HP: variants seen among roughly 807,000 people sequenced by gnomAD.
HP encodes the protein haptoglobin.
Under a neutral mutation model 23.2 loss-of-function variants are expected in HP, and 9 were observed. The observed-to-expected ratio is 0.39, with a 90% CI of 0.23 to 0.68. The LOEUF (loss-of-function observed/expected upper bound fraction) is 0.68, where lower values mean the gene tolerates loss of function less well. HP is among the 30% of genes least tolerant of loss of function. The pLI is 0.47. For synonymous variants in HP, 155 were observed against 183.3 expected (o/e 0.85, Z 1.25); for missense variants, 433 against 483.6 (o/e 0.90, Z 0.98).
chr16:72,060,216 C>T lies in HP; in HGVS notation c.547C>T (p.His183Tyr), dbSNP rs767197527. ...CTGGCAGGCTAAGATGGTTTCCCAC[C>T]ATAATCTCACCACAGGTGCCACGCT... The part of the protein sequence containing the change: ...FPWQAKMVSH[H>Y]NLTTGATLIN... The change falls in exon 7 of 7, where the codon CAT (histidine) becomes TAT (tyrosine). Residue 183 changes from histidine to tyrosine, a missense_variant. Physicochemically the swap from His to Tyr is moderately conservative, Grantham distance 83. Transcript: ENST00000355906. The T allele has an allele frequency of 2.5e-6, 4 of 1,614,156 alleles. No homozygotes were observed. In the South Asian group the frequency reaches 4.4e-5, roughly 18 times the overall value.
At position 72,060,640 on chromosome 16, in the gene HP, C is replaced by G. The variant is rs201546776; in HGVS notation, c.971C>G (p.Pro324Arg). The change falls in exon 7 of 7, where the codon CCG becomes CGG. Residue 324 changes from proline (P) to arginine (R), a missense_variant. Pro to Arg is a moderately radical substitution (Grantham distance 103). Coordinates refer to ENST00000355906, the MANE Select transcript of HP (RefSeq NM_005143.5). ...AGCACAGTCCCCGAAAAGAAGACACCGAAGAGCCCTGTAGGGGTGCAGCCC... is the reference window on the plus strand; with the variant it reads ...AGCACAGTCCCCGAAAAGAAGACACGGAAGAGCCCTGTAGGGGTGCAGCCC... Reference protein sequence around the residue: ...EGSTVPEKKTPKSPVGVQPIL... With the variant: ...EGSTVPEKKTRKSPVGVQPIL... The G allele has an allele frequency of 2.5e-6, 4 of 1,614,134 alleles. No individual in the cohort carries two copies. The highest frequency in any genetic ancestry group is 1.7e-6 in the Non-Finnish European group (2 of 1,180,032).
In HP at chr16:72,060,222, CT is replaced by C. The variant is rs995612807; in HGVS notation, c.554del (p.Leu185ProfsTer7). ...WQAKMVSHHNLTTGATLINEQ... is the reference protein window; with the variant it reads ...WQAKMVSHHNXTTGATLINEQ... ...GGCTAAGATGGTTTCCCACCATAAT[CT>C]CACCACAGGTGCCACGCTGATCAAT... On this transcript the variant is annotated frameshift_variant, in exon 7 of 7. Coordinates refer to ENST00000355906, the MANE Select transcript of HP (RefSeq NM_005143.5). LOFTEE classifies it low-confidence loss of function (END_TRUNC). 3 of 1,614,196 alleles carry C rather than the reference CT, an allele frequency of 1.9e-6. No individual in the cohort carries two copies. Among genetic ancestry groups the C allele is most frequent in the Non-Finnish European group, 2.5e-6 (3 of 1,180,050 alleles).
chr16:72,060,013 C>G (rs1305492774), intron 6 of HP, 99 bp from the exon 7 acceptor site: 6 of 1,566,768 alleles, frequency 3.8e-6, no homozygotes, highest in Non-Finnish European at 4.3e-6. Flanking sequence ...AATCTTTCTA[C>G]TTTACGCAGC....
chr16:72,056,473 C>G, intron 2 of HP, 57 bp from the exon 3 acceptor site: 1 of 1,300,650 alleles, frequency 7.7e-7, no homozygotes, highest in African/African-American at 1.5e-5. Context: ...TGACTTTTCA[C>G]GGTTCACTGG....
At chr16:72,058,760 T>C (rs1213446115) in intron 5 of HP, 3 of 324,630 alleles carry the variant, frequency 9.2e-6, no homozygotes, top group Non-Finnish European at 1.7e-5. Context: ...ACAGAGTTTA[T>C]TGTTTTCACT....
Position 72,060,369 on chromosome 16 carries a change from G to A in HP, c.700G>A (p.Glu234Lys), listed in dbSNP as rs1444018298. The stretch of plus-strand genomic sequence containing the variant: ...GGGGAAAAAGCAGCTTGTAGAGATT[G>A]AGAAGGTTGTTCTACACCCTAACTA... ...YVGKKQLVEI[E>K]KVVLHPNYSQ... Residue 234 changes from glutamate (E) to lysine (K), a missense_variant, in exon 7 of 7, where the codon GAG becomes AAG. Coordinates refer to ENST00000355906, the MANE Select transcript of HP (RefSeq NM_005143.5). The A allele has an allele frequency of 6.2e-7, 1 of 1,614,048 alleles. No individual in the cohort carries two copies. The highest frequency in any genetic ancestry group is 1.3e-5 in the African/African-American group (1 of 74,934).
chr16:72,059,058 T>C, intron 5 of HP, 56 bp from the exon 6 acceptor site: 1 of 1,493,002 alleles, frequency 6.7e-7, no homozygotes, highest in Middle Eastern at 1.7e-4. Context: ...CTTCTCACTC[T>C]GCACGGGGTC....
In HP at chr16:72,056,542, C is replaced by A; in HGVS notation, c.101C>A (p.Pro34Gln). 1.0e-5 allele frequency: 15 copies of A among 1,503,926 alleles called. No individual in the cohort carries two copies. Among genetic ancestry groups the A allele is most frequent in the Non-Finnish European group, 1.3e-5 (14 of 1,115,012 alleles). The allele number at this position is 1,503,926 out of a possible 1,614,324, so 93.2% of individuals were successfully genotyped here. A position where few individuals can be genotyped will look rare whatever the true frequency, so the allele number is the denominator to read the frequency against. ...TCTCTCTTTGCAGATGACGGCTGCC[C>A]GAAGCCCCCCGAGATTGCACATGGC... ...DVTDIADDGC[P>Q]KPPEIAHGYV... Residue 34 changes from proline to glutamine, a missense_variant, in exon 3 of 7, where the codon CCG (proline) becomes CAG (glutamine). This residue lies in a region of HP where 71 missense variants were observed against 54.2 expected (regional missense o/e 1.31). Transcript: ENST00000355906.
At position 72,060,449 on chromosome 16, in the gene HP, G is replaced by C. The variant is rs5475; in HGVS notation, c.780G>C (p.Glu260Asp). The change falls in exon 7 of 7, where the codon GAG (glutamate) becomes GAC (aspartate). Residue 260 changes from glutamate (E) to aspartate (D), a missense_variant. Physicochemically the swap from Glu to Asp is conservative, Grantham distance 45. This residue lies in a region of HP where 326 missense variants were observed against 358.1 expected (regional missense o/e 0.91). Coordinates refer to ENST00000355906, the MANE Select transcript of HP (RefSeq NM_005143.5). ...TCAAACAGAAGGTGTCTGTTAATGA[G>C]AGAGTGATGCCCATCTGCCTACCTT... The part of the protein sequence containing the change: ...IKLKQKVSVN[E>D]RVMPICLPSK... The C allele has an allele frequency of 4.3e-6, 7 of 1,614,046 alleles. No homozygotes were observed. Among genetic ancestry groups the C allele is most frequent in the South Asian group, 1.1e-5 (1 of 91,090 alleles).
At position 72,056,217 on chromosome 16, in the gene HP, C is replaced by T; in HGVS notation, c.62C>T (p.Ser21Leu). 1 of 1,614,036 alleles carries T rather than the reference C, an allele frequency of 6.2e-7. No individual in the cohort carries two copies. Among genetic ancestry groups the T allele is most frequent in the Non-Finnish European group, 8.5e-7 (1 of 1,179,990 alleles). Residue 21 changes from serine to leucine, a missense_variant, in exon 2 of 7, where the codon TCA (serine) becomes TTA (leucine). Ser to Leu is a moderately radical substitution (Grantham distance 145). Coordinates refer to ENST00000355906, the MANE Select transcript of HP (RefSeq NM_005143.5). ...LLWGQLFAVD[S>L]GNDVTDIADD... Reference sequence around the variant, plus strand: ...TGGGGACAGCTTTTTGCAGTGGACTCAGGCAATGATGTCACGGATATCGCA... The same window carrying T: ...TGGGGACAGCTTTTTGCAGTGGACTTAGGCAATGATGTCACGGATATCGCA...
At chr16:72,058,721 C>T (rs1293300384) in intron 5 of HP, 60 of 327,776 alleles carry the variant, frequency 1.8e-4, no homozygotes, top group Non-Finnish European at 2.9e-4. Flanking sequence ...TACTTATTTG[C>T]TCACTTAGTC....
Position 72,060,084 on chromosome 16 carries a change from C to A in HP, c.443-28C>A, listed in dbSNP as rs771521779. 4.4e-6 allele frequency: 7 copies of A among 1,606,030 alleles called. No homozygotes were observed. The Admixed American group carries it at 1.2e-4, about 27-fold the overall frequency. On this transcript the variant is annotated intron_variant, in intron 6 of 6. Transcript: ENST00000355906. ...ATGGAAAGGCTCTTGCACATTTCCA[C>A]TCACGAGTGTCTTGCTCTCCTTGAC...
At chr16:72,055,944 C>A in intron 1 of HP, 1 of 793,892 alleles carries the variant, frequency 1.3e-6, no homozygotes, top group South Asian at 1.5e-5. Flanking sequence ...GCTTGGTATG[C>A]TCAGAAGCTG....
chr16:72,056,601 A>T lies in HP; in HGVS notation c.160A>T (p.Asn54Tyr), dbSNP rs1426644759. The T allele has an allele frequency of 3.9e-6, 5 of 1,275,436 alleles. No individual in the cohort carries two copies. The allele number at this position is 1,275,436 out of a possible 1,614,324, so 79.0% of individuals were successfully genotyped here. A position where few individuals can be genotyped will look rare whatever the true frequency, so the allele number is the denominator to read the frequency against. The change falls in exon 3 of 7, where the codon AAC becomes TAC. Residue 54 changes from asparagine (N) to tyrosine (Y), a missense_variant. Coordinates refer to ENST00000355906, the MANE Select transcript of HP (RefSeq NM_005143.5). The part of the protein sequence containing the change: ...VEHSVRYQCK[N>Y]YYKLRTEGDG... ...GCACTCGGTTCGCTACCAGTGTAAGAACTACTACAAACTGCGCACAGAAGG... is the reference window on the plus strand; with the variant it reads ...GCACTCGGTTCGCTACCAGTGTAAGTACTACTACAAACTGCGCACAGAAGG...
In HP at chr16:72,060,358, T is replaced by C; in HGVS notation, c.689T>C (p.Leu230Pro). Residue 230 changes from leucine (L) to proline (P), a missense_variant, in exon 7 of 7, where the codon CTT becomes CCT. Physicochemically the swap from Leu to Pro is moderately conservative, Grantham distance 98 (BLOSUM62 -3). Around this residue, in one of 3 missense-constraint regions of HP, gnomAD observed 326 missense variants for 358.1 expected, o/e 0.91. Coordinates refer to ENST00000355906, the MANE Select transcript of HP (RefSeq NM_005143.5). ...TLTLYVGKKQ[L>P]VEIEKVVLHP... is the part of the protein sequence containing the mutation. ...ACACTCTATGTGGGGAAAAAGCAGC[T>C]TGTAGAGATTGAGAAGGTTGTTCTA... The C allele has an allele frequency of 6.2e-7, 1 of 1,614,138 alleles. No individual in the cohort carries two copies. Among genetic ancestry groups the C allele is most frequent in the Non-Finnish European group, 8.5e-7 (1 of 1,180,042 alleles).
chr16:72,059,815 T>A (rs920056688), intron 6 of HP: 4 of 546,776 alleles, frequency 7.3e-6, no homozygotes, highest in Non-Finnish European at 1.3e-5. Flanking sequence ...AATTCCTTTA[T>A]TGGGATAATT....
At position 72,060,691 on chromosome 16, in the gene HP, C is replaced by T. The variant is rs755798157; in HGVS notation, c.1022C>T (p.Ala341Val). ...ATACTGAATGAACACACCTTCTGTGCTGGCATGTCTAAGTACCAAGAAGAC... is the reference window on the plus strand; with the variant it reads ...ATACTGAATGAACACACCTTCTGTGTTGGCATGTCTAAGTACCAAGAAGAC... ...QPILNEHTFC[A>V]GMSKYQEDTC... The change falls in exon 7 of 7, where the codon GCT becomes GTT. Residue 341 changes from alanine to valine, a missense_variant. By Grantham distance (64) the Ala-to-Val change is moderately conservative. Coordinates refer to ENST00000355906, the MANE Select transcript of HP (RefSeq NM_005143.5). 3.3e-5 allele frequency: 54 copies of T among 1,613,966 alleles called. 1 individual carries two copies. The highest frequency in any genetic ancestry group is 2.9e-4 in the South Asian group (26 of 91,068).
At position 72,059,130 on chromosome 16, in the gene HP, C is replaced by T. The variant is rs1140430; in HGVS notation, c.384C>T (p.Asn128=). 1.9e-5 allele frequency: 29 copies of T among 1,565,006 alleles called. 2 individuals are homozygous for T. Among genetic ancestry groups the T allele is most frequent in the African/African-American group, 7.8e-5 (5 of 64,130 alleles). ...RTEGDGVYTL[N]NEKQWINKAV... ...TTGTTTCAGGAGTGTACACCTTAAACAATGAGAAGCAGTGGATAAATAAGG... is the reference window on the plus strand; with the variant it reads ...TTGTTTCAGGAGTGTACACCTTAAATAATGAGAAGCAGTGGATAAATAAGG... The change falls in exon 6 of 7, where the codon AAC becomes AAT. Residue 128 remains asparagine, a synonymous_variant. Coordinates refer to ENST00000355906, the MANE Select transcript of HP (RefSeq NM_005143.5).
intron 3 of HP, chr16:72,056,844 A>G: frequency 2.6e-6 from 1 of 381,746 alleles, no homozygotes; most frequent in Middle Eastern, 5.6e-4. Flanking sequence ...TGTTAAGGGG[A>G]GGCGATGCCA....
Sources: gnomAD v4.1 joint callset for allele counts on GRCh38, gnomAD v4.1.1 for gene constraint, gnomAD v4.1.1 regional missense constraint, MANE v1.5 for transcripts, NCBI Gene and HGNC (gene_info 2026-07-23, HGNC 2026-07-21) for gene names.